The following PSMA3 variants were observed in gnomAD, a reference collection of about 807,000 sequenced individuals.
The protein encoded by PSMA3 is proteasome 20S subunit alpha 3, also known as proteasome subunit alpha type-3.
Under a neutral mutation model 40.0 loss-of-function variants are expected in PSMA3, and 8 were observed. The observed-to-expected ratio is 0.20, with a 90% CI of 0.12 to 0.36. The LOEUF (loss-of-function observed/expected upper bound fraction) is 0.36. Among genes scored for constraint, PSMA3 ranks in the 10% least tolerant of loss-of-function variants. The pLI, the probability that PSMA3 is intolerant of heterozygous loss-of-function variation, is 1.00. For missense variants in PSMA3, 219 were observed against 310.6 expected, an observed-to-expected ratio of 0.70 and a Z score of 2.22; for synonymous variants, 110 against 100.0, an observed-to-expected ratio of 1.10 and a Z score of -0.59.
At chr14:58,255,595 C>T (rs1890125268) in intron 3 of PSMA3, among the ~76,000 whole-genome samples, 1 of 152,118 alleles carries the variant, frequency 6.6e-6, no homozygotes, top group African/African-American at 2.4e-5. Flanking sequence ...ATGGAGAAAC[C>T]CTGTCTCTAC....
intron 6 of PSMA3, 48 bp downstream of exon 6, chr14:58,261,068 T>G: frequency 8.0e-7 from 1 of 1,257,202 alleles, no homozygotes; most frequent in Admixed American, 1.7e-5. Flanking sequence ...TTAATGGTAT[T>G]TCATTAGCAT....
At position 58,247,752 on chromosome 14, in the gene PSMA3, T is replaced by C. The variant is rs755839600; in HGVS notation, c.24T>C (p.Tyr8=). 17 of 1,595,366 alleles carry C rather than the reference T, an allele frequency of 1.1e-5. No individual in the cohort carries two copies. In the South Asian group the frequency reaches 1.2e-4, roughly 11 times the overall value. ...ACTGTTGCCCTTTTCTCCTTAAGTA[T>C]GACCTGTCAGCCTCTACATTCTCTC... MSSIGTG[Y]DLSASTFSPD... Residue 8 remains tyrosine, a splice_region_variant and synonymous_variant, in exon 2 of 11, where the codon TAT becomes TAC. Transcript: ENST00000216455.
At chr14:58,270,879 G>T in intron 9 of PSMA3, 55 bp from the exon 10 acceptor site, 1 of 1,422,376 alleles carries the variant, frequency 7.0e-7, no homozygotes. Flanking sequence ...TATACTGCAA[G>T]TTACAATATG....
At chr14:58,266,286 A>G (rs921543109) in intron 7 of PSMA3, 4 of 152,210 alleles carry the variant, frequency 2.6e-5, no homozygotes, top group African/African-American at 9.7e-5. Flanking sequence ...TCAAAATTAA[A>G]AAATAAAAGA....
intron 3 of PSMA3, among the ~76,000 whole-genome samples, chr14:58,254,638 C>T (rs1053773123): frequency 4.6e-5 from 7 of 151,866 alleles, no homozygotes; most frequent in Non-Finnish European, 8.8e-5. Flanking sequence ...GCCCTGTCAA[C>T]ATTAGACATT....
In PSMA3 at chr14:58,270,963, A is replaced by G. The variant is rs1297999780; in HGVS notation, c.688A>G (p.Lys230Glu). 4 of 1,609,466 alleles carry G rather than the reference A, an allele frequency of 2.5e-6. No individual in the cohort carries two copies. Among genetic ancestry groups the G allele is most frequent in the Non-Finnish European group, 3.4e-6 (4 of 1,177,274 alleles). Residue 230 changes from lysine (K) to glutamate (E), a missense_variant, in exon 10 of 11, where the codon AAA becomes GAA. Lys to Glu is a moderately conservative substitution (Grantham distance 56, BLOSUM62 1). Coordinates refer to ENST00000216455, the MANE Select transcript of PSMA3 (RefSeq NM_002788.4). The part of the protein sequence containing the change: ...LTNGRHEIVP[K>E]DIREEAEKYA... ...TAATGGAAGACATGAAATTGTTCCA[A>G]AAGATATAAGAGAAGAAGCAGAGAA... is the stretch of plus-strand genomic sequence containing the variant.
chr14:58,268,417 A>G (rs548863245), intron 8 of PSMA3, among the ~76,000 whole-genome samples: 1 of 152,234 alleles, frequency 6.6e-6, no homozygotes, highest in East Asian at 1.9e-4. Context: ...TAAACATACT[A>G]TTTACATCAC....
intron 1 of PSMA3, among the ~76,000 whole-genome samples, chr14:58,246,359 T>C (rs1347332950): frequency 6.6e-6 from 1 of 152,228 alleles, no homozygotes; most frequent in Non-Finnish European, 1.5e-5. Context: ...ATTCCTTTTT[T>C]TACTTTACTC....
At chr14:58,260,926 C>G (rs914039511) in intron 5 of PSMA3, 22 bp from the exon 6 acceptor site, 27 of 1,551,030 alleles carry the variant, frequency 1.7e-5, no homozygotes, top group African/African-American at 5.5e-5. Context: ...ATGGTTTAAG[C>G]TGTTTGTATA....
In PSMA3 at chr14:58,272,001, A is replaced by AT; in HGVS notation, c.*107dup. ...CCAATTTTCATTAAATTTTTGTCTT[A>AT]TAACTATTGAAGTTTGGTTAATATC... On this transcript the variant is annotated 3_prime_UTR_variant, in exon 11 of 11. Coordinates refer to ENST00000216455, the MANE Select transcript of PSMA3 (RefSeq NM_002788.4). 1 of 841,696 alleles carries AT rather than the reference A, an allele frequency of 1.2e-6. No individual in the cohort carries two copies. Among genetic ancestry groups the AT allele is most frequent in the Non-Finnish European group, 1.9e-6 (1 of 531,862 alleles). 52.1% of individuals were successfully genotyped at this position (841,696 alleles called of 1,614,324 possible).
intron 9 of PSMA3, 41 bp downstream of exon 9, chr14:58,270,526 T>G (rs1890583808): frequency 3.1e-6 from 5 of 1,612,024 alleles, no homozygotes; most frequent in Non-Finnish European, 3.4e-6. Flanking sequence ...AGGAATGATC[T>G]GTACCACAGC....
At chr14:58,264,065 G>A (rs1416291920) in intron 7 of PSMA3, among the ~76,000 whole-genome samples, 2 of 152,144 alleles carry the variant, frequency 1.3e-5, no homozygotes, top group Admixed American at 1.3e-4. Flanking sequence ...GTCACTGAAT[G>A]GGAAAGCTGG....
intron 6 of PSMA3, among the ~76,000 whole-genome samples, chr14:58,261,847 C>G (rs1890290832): frequency 6.6e-6 from 1 of 152,104 alleles, no homozygotes; most frequent in East Asian, 1.9e-4. Flanking sequence ...AACTCCTGGC[C>G]TTAAGCAGTC....
chr14:58,261,543 A>G (rs1433097225), intron 6 of PSMA3, among the ~76,000 whole-genome samples: 2 of 152,132 alleles, frequency 1.3e-5, no homozygotes, highest in Non-Finnish European at 2.9e-5. Flanking sequence ...TATGTTATTT[A>G]TAGAAACTGT....
chr14:58,271,852 A>C lies in PSMA3; in HGVS notation c.725A>C (p.Glu242Ala). Residue 242 changes from glutamate (E) to alanine (A), a missense_variant and splice_region_variant, in exon 11 of 11, where the codon GAA (glutamate) becomes GCA (alanine). By Grantham distance (107) the Glu-to-Ala change is moderately radical (BLOSUM62 -1). Transcript: ENST00000216455. Reference sequence around the variant, plus strand: ...TAAACACCTGTTTTCTCTTAACAGGAATCTCTGAAGGAAGAAGATGAATCA... The same window carrying C: ...TAAACACCTGTTTTCTCTTAACAGGCATCTCTGAAGGAAGAAGATGAATCA... ...IREEAEKYAKESLKEEDESDD... is the reference protein window; with the variant it reads ...IREEAEKYAKASLKEEDESDD... The C allele has an allele frequency of 6.3e-7, 1 of 1,597,608 alleles. No individual in the cohort carries two copies. The highest frequency in any genetic ancestry group is 1.3e-5 in the African/African-American group (1 of 74,700).
chr14:58,264,312 T>C (rs557852276), intron 7 of PSMA3, among the ~76,000 whole-genome samples: 6 of 152,340 alleles, frequency 3.9e-5, no homozygotes, highest in African/African-American at 1.4e-4. Context: ...CTGGCTGTGC[T>C]CCACCGGTTC....
intron 9 of PSMA3, 38 bp from the exon 10 acceptor site, chr14:58,270,896 A>C: frequency 1.3e-6 from 2 of 1,505,874 alleles, no homozygotes; most frequent in Non-Finnish European, 1.8e-6. Flanking sequence ...TATGGTACTC[A>C]ATTTAAAATT....
intron 9 of PSMA3, 53 bp downstream of exon 9, chr14:58,270,538 A>G (rs1890584279): frequency 2.4e-5 from 39 of 1,606,978 alleles, no homozygotes; most frequent in Non-Finnish European, 3.1e-5. Context: ...TACCACAGCT[A>G]ATTTACAACT....
intron 6 of PSMA3, 174 bp from the exon 7 acceptor site, chr14:58,263,531 T>G (rs905035074): frequency 4.2e-6 from 2 of 473,950 alleles, no homozygotes; most frequent in African/African-American, 3.9e-5. Flanking sequence ...TGTTTGGTAT[T>G]TTAGTATTTT....
Sources: gnomAD v4.1 joint callset for allele counts (sites outside exome capture counted in the v4.1 genomes callset) on GRCh38, gnomAD v4.1.1 for gene constraint, MANE v1.5 for transcripts, NCBI Gene and HGNC (gene_info 2026-07-23, HGNC 2026-07-21) for gene names.